Variants in RIN2 observed in about 807,000 individuals in gnomAD.
RIN2 encodes RAB5 interacting protein 2.
RIN2 carries 36 observed loss-of-function variants against 78.0 expected under a neutral mutation model. The ratio of observed to expected loss-of-function variants is 0.46; its 90% CI spans 0.35 to 0.61. RIN2 has a LOEUF of 0.61. RIN2 is among the 20% of genes least tolerant of loss of function. The pLI is 0.00. For missense variants in RIN2, 1,087 were observed against 1,159.7 expected (o/e 0.94, Z 0.91); for synonymous variants, 466 against 466.8 (o/e 1.00, Z 0.02).
At chr20:19,913,324 G>A (rs2039553591) in intron 3 of RIN2, among the ~76,000 whole-genome samples, 1 of 151,808 alleles carries the variant, frequency 6.6e-6, no homozygotes, top group Admixed American at 6.6e-5. Context: ...ACCATTTTAA[G>A]CACTTTAGTG....
At chr20:19,814,744 C>T (rs6136845) in intron 2 of RIN2, among the ~76,000 whole-genome samples, 46,100 of 151,786 alleles carry the variant, frequency 0.3, 7,348 homozygotes, top group African/African-American at 0.4. Context: ...AGGTGCATGC[C>T]ATCATACCCA....
intron 3 of RIN2, chr20:19,934,627 C>T (rs763322483): frequency 8.3e-5 from 81 of 972,284 alleles, no homozygotes; most frequent in Non-Finnish European, 9.7e-5. Context: ...AATATGTAAG[C>T]TGGATATATC....
intron 4 of RIN2, among the ~76,000 whole-genome samples, chr20:19,953,872 C>T (rs371445850): frequency 2.0e-4 from 31 of 152,292 alleles, no homozygotes; most frequent in Middle Eastern, 3.4e-3. Flanking sequence ...CTTCCCAATA[C>T]CTGCAGGCCC....
chr20:19,940,328 A>G (rs936344079), intron 4 of RIN2, among the ~76,000 whole-genome samples: 9 of 152,228 alleles, frequency 5.9e-5, no homozygotes, highest in Non-Finnish European at 8.8e-5. Context: ...GTGATTTTAA[A>G]GTATTCTTGC....
At chr20:19,968,968 GCT>G (rs1160608269) in intron 7 of RIN2, among the ~76,000 whole-genome samples, 1 of 150,094 alleles carries the variant, frequency 6.7e-6, no homozygotes, top group African/African-American at 2.5e-5. Context: ...CAAAGGGGGT[GCT>G]CACAACATTT....
rs577208770 is a variant in RIN2 at position 19,885,387 on chromosome 20, C to T, written c.-36-4179C>T. 1.5e-4 allele frequency among the ~76,000 whole-genome samples: 23 copies of T among 152,180 alleles called. No individual in the cohort carries two copies. In the East Asian group the frequency reaches 3.7e-3, roughly 24 times the overall value. ...GTATTGCGTATTTGAAAATTGCGGC[C>T]GGGAGCGGTGGCTCATGCCTGTAAT... On this transcript the variant is annotated intron_variant, in intron 2 of 12. Transcript: ENST00000255006.
intron 2 of RIN2, among the ~76,000 whole-genome samples, chr20:19,824,116 G>A (rs926975979): frequency 6.6e-6 from 1 of 152,104 alleles, no homozygotes; most frequent in African/African-American, 2.4e-5. Context: ...TTGCATGCTG[G>A]ACCTGAGTGA....
In RIN2 at chr20:19,975,785, T is replaced by A; in HGVS notation, c.1760T>A (p.Ile587Lys). 6.2e-7 allele frequency: 1 copy of A among 1,605,420 alleles called. No individual in the cohort carries two copies. Residue 587 changes from isoleucine (I) to lysine (K), a missense_variant and splice_region_variant, in exon 9 of 13, where the codon ATA becomes AAA. Physicochemically the swap from Ile to Lys is moderately radical, Grantham distance 102. Around this residue, in one of 8 missense-constraint regions of RIN2, gnomAD observed 39 missense variants for 34.9 expected, o/e 1.12. Transcript: ENST00000255006. The surrounding 1 kb of genome is among the most constrained non-coding windows in gnomAD (Gnocchi z 4.9). The part of the protein sequence containing the change: ...PIESLIPEDQ[I>K]DVVLEKAMHK... ...GAGTCGCTGATCCCTGAAGACCAAA[T>A]AGGTAAGTACCCTCTTTTTTAAAAT...
At position 19,938,644 on chromosome 20, in the gene RIN2, G is replaced by A. The variant is rs1349993200; in HGVS notation, c.158+3445G>A. On this transcript the variant is annotated intron_variant, in intron 4 of 12. Coordinates refer to ENST00000255006, the MANE Select transcript of RIN2 (RefSeq NM_018993.4). ...CCTCATTAAAATGGGAATAATAACA[G>A]AGTTACCTCACAGTGTTGTTGGGAA... 2.0e-5 allele frequency among the ~76,000 whole-genome samples: 3 copies of A among 152,154 alleles called. No homozygotes were observed. In the East Asian group the frequency reaches 5.8e-4, roughly 29 times the overall value.
At chr20:19,912,884 A>G (rs1270056140) in intron 3 of RIN2, among the ~76,000 whole-genome samples, 3 of 152,200 alleles carry the variant, frequency 2.0e-5, no homozygotes, top group African/African-American at 7.2e-5. Flanking sequence ...GGTGTGGGAA[A>G]GGCACAGCTG....
chr20:19,768,015 G>A (rs991557815), intron 1 of RIN2, among the ~76,000 whole-genome samples: 1 of 152,076 alleles, frequency 6.6e-6, no homozygotes, highest in African/African-American at 2.4e-5. Context: ...TCAGTCCAGG[G>A]AGGGAGGCAA....
intron 4 of RIN2, among the ~76,000 whole-genome samples, chr20:19,947,022 T>TAA (rs35136029): frequency 0.038 from 4,406 of 116,084 alleles, 104 homozygotes; most frequent in Non-Finnish European, 0.05. Context: ...CAGACTGTCT[T>TAA]AAAAAAAAAA....
At chr20:19,875,163 T>A (rs2037817537) in intron 2 of RIN2, among the ~76,000 whole-genome samples, 1 of 149,298 alleles carries the variant, frequency 6.7e-6, no homozygotes, top group Non-Finnish European at 1.5e-5. Flanking sequence ...ACCCAGCAGA[T>A]AATTTTTTTT....
intron 2 of RIN2, among the ~76,000 whole-genome samples, chr20:19,822,360 A>G (rs759455815): frequency 9.9e-5 from 15 of 152,208 alleles, no homozygotes; most frequent in Non-Finnish European, 1.9e-4. Flanking sequence ...AGATGAATCC[A>G]AAGAACGGCA....
chr20:19,853,095 A>G (rs1268536581), intron 2 of RIN2, among the ~76,000 whole-genome samples: 9 of 132,826 alleles, frequency 6.8e-5, no homozygotes, highest in African/African-American at 2.3e-4. Context: ...ATGTGTTCTC[A>G]TTGTTCAATT....
chr20:19,983,683 A>G (rs6035500), intron 9 of RIN2, among the ~76,000 whole-genome samples: 58,908 of 152,032 alleles, frequency 0.39, 13,782 homozygotes, highest in African/African-American at 0.65. Flanking sequence ...AATTTTAAAT[A>G]TGTTTATGTA....
At chr20:19,904,744 AGG>A (rs2039144776) in intron 3 of RIN2, among the ~76,000 whole-genome samples, 4 of 152,176 alleles carry the variant, frequency 2.6e-5, no homozygotes, top group Non-Finnish European at 4.4e-5. Context: ...GGGTATGAGG[AGG>A]GGAGTGCCAC....
intron 1 of RIN2, among the ~76,000 whole-genome samples, chr20:19,768,922 CTTT>C (rs778608472): frequency 8.1e-5 from 11 of 135,792 alleles, no homozygotes; most frequent in South Asian, 2.4e-4. Flanking sequence ...CTTTCTGTTT[CTTT>C]TTTTTTTTTT....
At chr20:19,814,340 G>A (rs1172237305) in intron 2 of RIN2, among the ~76,000 whole-genome samples, 2 of 152,176 alleles carry the variant, frequency 1.3e-5, no homozygotes, top group East Asian at 1.9e-4. Flanking sequence ...GTAGGTGGAC[G>A]TGAGGTCGCG....
Sources: allele counts gnomAD v4.1 joint callset (sites outside exome capture counted in the v4.1 genomes callset), GRCh38; gene constraint gnomAD v4.1.1; regional missense constraint gnomAD v4.1.1; non-coding constraint Gnocchi (gnomAD v3.1); transcripts MANE v1.5; gene names NCBI Gene and HGNC (gene_info 2026-07-23, HGNC 2026-07-21).